Variants in DYNC1I1 observed in about 807,000 individuals in gnomAD.
DYNC1I1 encodes the protein cytoplasmic dynein 1 intermediate chain 1.
In DYNC1I1, 43 loss-of-function variants were observed where a neutral mutation model predicts 86.6. That is an observed-to-expected ratio of 0.50 (90% confidence interval 0.39 to 0.64). The LOEUF (loss-of-function observed/expected upper bound fraction) is 0.64, where lower values mean the gene tolerates loss of function less well. DYNC1I1 is among the 30% of genes least tolerant of loss of function. DYNC1I1 has a pLI of 0.00. For synonymous variants in DYNC1I1, 262 were observed against 283.7 expected (o/e 0.92, Z 0.77); for missense variants, 604 against 788.8 (o/e 0.77, Z 2.81).
At chr7:96,053,482 C>T (rs1048520476) in intron 14 of DYNC1I1, among the ~76,000 whole-genome samples, 4 of 152,104 alleles carry the variant, frequency 2.6e-5, no homozygotes, top group African/African-American at 7.2e-5. Flanking sequence ...TTCCCTTCCT[C>T]ATCCTTCTTG....
intron 6 of DYNC1I1, among the ~76,000 whole-genome samples, chr7:95,947,285 C>T (rs913468426): frequency 2.6e-5 from 4 of 152,110 alleles, no homozygotes; most frequent in African/African-American, 9.7e-5. Flanking sequence ...AATATGAACT[C>T]ATGTTGGTGT....
rs569154681 is a variant in DYNC1I1, at chr7:96,076,740, A to G, written c.1650+543A>G. On this transcript the variant is annotated intron_variant, in intron 15 of 16. Coordinates refer to ENST00000447467, the MANE Select transcript of DYNC1I1 (RefSeq NM_001135556.2). ...TCTAAGATATCAAATTCAGAGGCAG[A>G]CTTTTACAACAGTCTCCAACTTTAA... Among the ~76,000 whole-genome samples, 22 of 152,364 alleles carry G rather than the reference A, an allele frequency of 1.4e-4. 1 individual carries two copies. The highest frequency in any genetic ancestry group is 1.2e-3 in the South Asian group (6 of 4,830).
At chr7:95,988,733 A>G (rs1350890518) in intron 9 of DYNC1I1, among the ~76,000 whole-genome samples, 4 of 152,214 alleles carry the variant, frequency 2.6e-5, no homozygotes, top group Non-Finnish European at 5.9e-5. Flanking sequence ...CTTGTTGTCA[A>G]TGCTTTTATT....
chr7:96,045,329 G>C (rs1789177722), intron 14 of DYNC1I1, among the ~76,000 whole-genome samples: 1 of 152,154 alleles, frequency 6.6e-6, no homozygotes, highest in South Asian at 2.1e-4. Flanking sequence ...CTGAAGTCTA[G>C]TGAGGGTGGA....
At chr7:95,953,727 A>G (rs1792622321) in intron 6 of DYNC1I1, among the ~76,000 whole-genome samples, 1 of 152,190 alleles carries the variant, frequency 6.6e-6, no homozygotes, top group Non-Finnish European at 1.5e-5. Context: ...TGGAGAAAAG[A>G]TGATAGGATT....
Position 95,826,117 on chromosome 7 carries a change from C to A in DYNC1I1, c.315-1940C>A, listed in dbSNP as rs148451292. On this transcript the variant is annotated intron_variant, in intron 4 of 16. Coordinates refer to ENST00000447467, the MANE Select transcript of DYNC1I1 (RefSeq NM_001135556.2). ...TGCAGAGTCTCGGGCCACCCGCACA[C>A]CTACTAAGTCAGACTGCATTTTAGC... Among the ~76,000 whole-genome samples the A allele has an allele frequency of 3.8e-3, 580 of 152,300 alleles. 4 individuals are homozygous for A. The highest frequency in any genetic ancestry group is 0.013 in the African/African-American group (549 of 41,560).
intron 6 of DYNC1I1, among the ~76,000 whole-genome samples, chr7:95,906,352 TA>T (rs899557799): frequency 6.3e-4 from 96 of 152,348 alleles, no homozygotes; most frequent in African/African-American, 2.2e-3. Context: ...ATGATATTCG[TA>T]AAAAGTAAAT....
intron 6 of DYNC1I1, among the ~76,000 whole-genome samples, chr7:95,967,520 T>C (rs10251970): frequency 0.47 from 71,777 of 152,004 alleles, 17,256 homozygotes; most frequent in African/African-American, 0.52. Flanking sequence ...CCTCACTTCC[T>C]TGAGTGTATT....
intron 16 of DYNC1I1, among the ~76,000 whole-genome samples, chr7:96,081,116 T>C (rs971424647): frequency 1.5e-4 from 23 of 149,260 alleles, no homozygotes; most frequent in African/African-American, 5.5e-4. Flanking sequence ...AAATATATCA[T>C]GCTAAAATTG....
chr7:95,813,970 G>T (rs182090561), intron 4 of DYNC1I1, among the ~76,000 whole-genome samples: 232 of 152,230 alleles, frequency 1.5e-3, no homozygotes, highest in African/African-American at 5.1e-3. Flanking sequence ...CACTGAAGAG[G>T]TATCCAAAAG....
chr7:95,948,418 T>G (rs762899909), intron 6 of DYNC1I1, among the ~76,000 whole-genome samples: 4 of 152,190 alleles, frequency 2.6e-5, no homozygotes, highest in Admixed American at 6.5e-5. Context: ...AGACCCATGC[T>G]TGTATCTATC....
At chr7:95,851,694 C>T (rs950551169) in intron 5 of DYNC1I1, among the ~76,000 whole-genome samples, 12 of 151,798 alleles carry the variant, frequency 7.9e-5, no homozygotes, top group African/African-American at 2.7e-4. Context: ...ACCAGAGTTT[C>T]GCTCTTGTTG....
intron 4 of DYNC1I1, among the ~76,000 whole-genome samples, chr7:95,821,203 G>A (rs1196869521): frequency 6.6e-6 from 1 of 152,092 alleles, no homozygotes; most frequent in Non-Finnish European, 1.5e-5. Flanking sequence ...TTGTCTATCA[G>A]ATACTATACT....
chr7:95,835,621 G>A, intron 5 of DYNC1I1, among the ~76,000 whole-genome samples: 1 of 151,994 alleles, frequency 6.6e-6, no homozygotes, highest in Non-Finnish European at 1.5e-5. Context: ...CTCTTTGTAG[G>A]TCACTCAGGA....
intron 10 of DYNC1I1, among the ~76,000 whole-genome samples, chr7:96,004,438 AT>A (rs1354152512): frequency 2.6e-5 from 4 of 152,156 alleles, no homozygotes; most frequent in Non-Finnish European, 5.9e-5. Context: ...TTTAAAAAGT[AT>A]TTCCAGCACC....
intron 14 of DYNC1I1, among the ~76,000 whole-genome samples, chr7:96,059,398 G>A (rs1789695331): frequency 6.6e-6 from 1 of 152,160 alleles, no homozygotes; most frequent in Non-Finnish European, 1.5e-5. Flanking sequence ...AAACAAGAAA[G>A]GAGTGTAGTC....
Position 96,072,225 on chromosome 7 carries a change from G to A in DYNC1I1, c.1510-3832G>A, listed in dbSNP as rs1021173163. 4.6e-5 allele frequency among the ~76,000 whole-genome samples: 7 copies of A among 152,292 alleles called. No individual in the cohort carries two copies. The South Asian group carries it at 6.2e-4, about 14-fold the overall frequency. ...GCTTCTCTGCTCTGTTTGAGTCAGA[G>A]TATTAAAATCAAGCTGGGCTGTGCC... On this transcript the variant is annotated intron_variant, in intron 14 of 16. Coordinates refer to ENST00000447467, the MANE Select transcript of DYNC1I1 (RefSeq NM_001135556.2).
intron 10 of DYNC1I1, among the ~76,000 whole-genome samples, chr7:96,009,842 C>T (rs932468387): frequency 6.6e-6 from 1 of 151,740 alleles, no homozygotes; most frequent in Non-Finnish European, 1.5e-5. Flanking sequence ...TTCAGTGGCA[C>T]GATCTCGGCT....
At position 95,882,773 on chromosome 7, in the gene DYNC1I1, C is replaced by T. The variant is rs571201727; in HGVS notation, c.490+12775C>T. Among the ~76,000 whole-genome samples, 3 of 152,280 alleles carry T rather than the reference C, an allele frequency of 2.0e-5. No individual in the cohort carries two copies. The East Asian group carries it at 5.8e-4, about 29-fold the overall frequency. ...GTGGGAAAAAGTTTTCCTTTCCACC[C>T]TTACAGAGACAACACGCTGAGGAAA... On this transcript the variant is annotated intron_variant, in intron 6 of 16. Coordinates refer to ENST00000447467, the MANE Select transcript of DYNC1I1 (RefSeq NM_001135556.2).
Sources: gnomAD v4.1 joint callset for allele counts (sites outside exome capture counted in the v4.1 genomes callset) on GRCh38, gnomAD v4.1.1 for gene constraint, MANE v1.5 for transcripts, NCBI Gene and HGNC (gene_info 2026-07-23, HGNC 2026-07-21) for gene names.